CTNNA3: variants seen among roughly 807,000 people sequenced by gnomAD.
CTNNA3 encodes catenin alpha-3.
A neutral mutation model predicts 95.7 loss-of-function variants in CTNNA3; 76 were observed. That is an observed-to-expected ratio of 0.79 (90% confidence interval 0.66 to 0.96). The LOEUF is 0.96. Among genes scored for constraint, CTNNA3 ranks in the 40% least tolerant of loss-of-function variants. The pLI, the probability that CTNNA3 is intolerant of heterozygous loss-of-function variation, is 0.00. For synonymous variants in CTNNA3, 431 were observed against 374.4 expected, an observed-to-expected ratio of 1.15 and a Z score of -1.74; for missense variants, 1,191 against 1,089.8, an observed-to-expected ratio of 1.09 and a Z score of -1.31.
At chr10:66,151,274 G>A (rs761946595) in intron 13 of CTNNA3, among the ~76,000 whole-genome samples, 1 of 151,944 alleles carries the variant, frequency 6.6e-6, no homozygotes, top group Non-Finnish European at 1.5e-5. Context: ...AAGGAAGTGT[G>A]ATAGGAGGGC....
chr10:67,498,308 C>G (rs1290799862), intron 5 of CTNNA3, among the ~76,000 whole-genome samples: 3 of 152,174 alleles, frequency 2.0e-5, no homozygotes, highest in Non-Finnish European at 4.4e-5. Flanking sequence ...TGTTTTGGTA[C>G]CAGTACCATG....
intron 12 of CTNNA3, among the ~76,000 whole-genome samples, chr10:66,292,985 T>C (rs1350752605): frequency 1.3e-5 from 2 of 152,196 alleles, no homozygotes; most frequent in African/African-American, 4.8e-5. Flanking sequence ...TCTATCCTTC[T>C]ATGCATTGTG....
chr10:66,434,465 G>A (rs181046754), intron 11 of CTNNA3, among the ~76,000 whole-genome samples: 21 of 152,226 alleles, frequency 1.4e-4, no homozygotes, highest in African/African-American at 4.8e-4. Context: ...AGGTGTATAG[G>A]AATGCTTGAG....
chr10:66,191,369 C>G (rs1165475653), intron 13 of CTNNA3, among the ~76,000 whole-genome samples: 1 of 152,024 alleles, frequency 6.6e-6, no homozygotes, highest in Non-Finnish European at 1.5e-5. Context: ...AAACACATAC[C>G]TCAGGGAGGT....
At chr10:66,686,821 C>G (rs10822874) in intron 9 of CTNNA3, among the ~76,000 whole-genome samples, 48,628 of 151,998 alleles carry the variant, frequency 0.32, 8,729 homozygotes, top group East Asian at 0.58. Flanking sequence ...GAAAAAATAC[C>G]TGTATGAAGA....
intron 11 of CTNNA3, among the ~76,000 whole-genome samples, chr10:66,473,641 A>G (rs1289569497): frequency 6.6e-6 from 1 of 151,648 alleles, no homozygotes; most frequent in Non-Finnish European, 1.5e-5. Flanking sequence ...CATTAGGCAT[A>G]TCTCCTAATG....
At chr10:66,021,714 A>T (rs1246221925) in intron 15 of CTNNA3, among the ~76,000 whole-genome samples, 1 of 152,166 alleles carries the variant, frequency 6.6e-6, no homozygotes, top group East Asian at 1.9e-4. Flanking sequence ...GGCAAACCAC[A>T]GTATTAGTGT....
At chr10:67,014,189 T>G (rs1338466963) in intron 7 of CTNNA3, among the ~76,000 whole-genome samples, 1 of 152,234 alleles carries the variant, frequency 6.6e-6, no homozygotes, top group Non-Finnish European at 1.5e-5. Context: ...TCACCATGCA[T>G]GCTTTAGTGC....
chr10:66,649,865 G>T (rs896627665), intron 9 of CTNNA3, among the ~76,000 whole-genome samples: 2 of 152,124 alleles, frequency 1.3e-5, no homozygotes, highest in Non-Finnish European at 2.9e-5. Context: ...CCAGCACCTT[G>T]GGACCCAGCC....
chr10:67,469,475 G>C (rs1366184599), intron 5 of CTNNA3, among the ~76,000 whole-genome samples: 1 of 151,926 alleles, frequency 6.6e-6, no homozygotes, highest in Non-Finnish European at 1.5e-5. Flanking sequence ...GATGAAGCTG[G>C]AAACCATCAT....
At chr10:65,974,881 T>C (rs1011657867) in intron 16 of CTNNA3, among the ~76,000 whole-genome samples, 3 of 152,152 alleles carry the variant, frequency 2.0e-5, no homozygotes, top group Non-Finnish European at 4.4e-5. Flanking sequence ...CTTAAATATA[T>C]ATTTCTTCTA....
rs573182197 is a variant in CTNNA3 at position 66,667,290 on chromosome 10, A to G, written c.1282-45506T>C. Among the ~76,000 whole-genome samples the G allele has an allele frequency of 2.2e-5, 3 of 136,762 alleles. No homozygotes were observed. The South Asian group carries it at 7.4e-4, about 34-fold the overall frequency. 89.7% of individuals were successfully genotyped at this position (136,762 alleles called of 152,430 possible). A position where few individuals can be genotyped will look rare whatever the true frequency, so the allele number is the denominator to read the frequency against. ...GTTTTATCTATTCCCGCCTGTCCAG[A>G]TATTTTGGAATGTAATACATTCATT... is the stretch of plus-strand genomic sequence containing the variant. On this transcript the variant is annotated intron_variant, in intron 9 of 17. Transcript: ENST00000433211.
At chr10:67,239,768 T>A (rs1253768481) in intron 5 of CTNNA3, among the ~76,000 whole-genome samples, 2 of 152,192 alleles carry the variant, frequency 1.3e-5, no homozygotes, top group African/African-American at 4.8e-5. Flanking sequence ...CTGGCTATGT[T>A]GTCATATTAC....
rs558029726 is a variant in CTNNA3, at chr10:66,954,417, G to A, written c.1048-178893C>T. On this transcript the variant is annotated intron_variant, in intron 7 of 17. Transcript: ENST00000433211. ...GAGAAATAAAAACGCTTAAAATAGC[G>A]AAAATAATGTGACAACATTCAGGCA... is the stretch of plus-strand genomic sequence containing the variant. Among the ~76,000 whole-genome samples, 67 of 152,206 alleles carry A rather than the reference G, an allele frequency of 4.4e-4. 1 individual carries two copies. Among genetic ancestry groups the A allele is most frequent in the African/African-American group, 1.5e-3 (61 of 41,536 alleles).
At chr10:66,970,506 G>C (rs1328402837) in intron 7 of CTNNA3, among the ~76,000 whole-genome samples, 1 of 143,394 alleles carries the variant, frequency 7.0e-6, no homozygotes, top group Non-Finnish European at 1.5e-5. Flanking sequence ...CTTGGGTGGG[G>C]GGGGGATACA....
At chr10:67,183,661 C>T (rs1311333163) in intron 6 of CTNNA3, among the ~76,000 whole-genome samples, 1 of 151,482 alleles carries the variant, frequency 6.6e-6, no homozygotes, top group Non-Finnish European at 1.5e-5. Flanking sequence ...GCATGTTGTA[C>T]ACATATACCC....
Position 67,186,452 on chromosome 10 carries a change from G to A in CTNNA3, c.844-5932C>T, listed in dbSNP as rs189371708. On this transcript the variant is annotated intron_variant, in intron 6 of 17. Coordinates refer to ENST00000433211, the MANE Select transcript of CTNNA3 (RefSeq NM_013266.4). ...CTTCAAGCTCATCTGAACTCAAACC[G>A]TTGTCTGTTCTGACATCTGACACCT... is the stretch of plus-strand genomic sequence containing the variant. Among the ~76,000 whole-genome samples the A allele has an allele frequency of 3.0e-3, 455 of 152,252 alleles. 3 individuals are homozygous for A. Among genetic ancestry groups the A allele is most frequent in the African/African-American group, 0.01 (429 of 41,568 alleles).
chr10:66,516,698 T>C (rs10762073), intron 11 of CTNNA3, among the ~76,000 whole-genome samples: 70,804 of 152,060 alleles, frequency 0.47, 17,362 homozygotes, highest in Middle Eastern at 0.64. Context: ...AATCTAATTT[T>C]CTTTTGCCGG....
intron 11 of CTNNA3, among the ~76,000 whole-genome samples, chr10:66,516,993 C>T (rs964343325): frequency 5.9e-5 from 9 of 152,052 alleles, no homozygotes; most frequent in Middle Eastern, 3.4e-3. Flanking sequence ...GAGGTCAAGG[C>T]GGGTGGATCA....
Sources: allele counts gnomAD v4.1 joint callset (sites outside exome capture counted in the v4.1 genomes callset), GRCh38; gene constraint gnomAD v4.1.1; transcripts MANE v1.5; gene names NCBI Gene and HGNC (gene_info 2026-07-23, HGNC 2026-07-21).